RBL2: variants seen among roughly 807,000 people sequenced by gnomAD.
RBL2 encodes RB transcriptional corepressor like 2.
In RBL2, 56 loss-of-function variants were observed where a neutral mutation model predicts 126.0. The observed-to-expected ratio is 0.44, with a 90% CI of 0.36 to 0.56. The LOEUF is 0.56. Among genes scored for constraint, RBL2 ranks in the 20% least tolerant of loss-of-function variants. The pLI is 0.00. For missense variants in RBL2, 1,229 were observed against 1,398.2 expected (o/e 0.88, Z 1.93); for synonymous variants, 454 against 478.5 (o/e 0.95, Z 0.67).
chr16:53,489,907 A>G (rs1961343144), intron 21 of RBL2: 1 of 354,738 alleles, frequency 2.8e-6, no homozygotes, highest in African/African-American at 2.1e-5. Context: ...CCTGTGGAAG[A>G]GCTTGTTAAA....
At chr16:53,454,519 A>G (rs2058147858) in intron 7 of RBL2, 137 bp from the exon 8 acceptor site, 1 of 792,850 alleles carries the variant, frequency 1.3e-6, no homozygotes, top group Admixed American at 2.9e-5. Flanking sequence ...TCCAGTTCTT[A>G]TAACTACAAG....
At position 53,490,451 on chromosome 16, in the gene RBL2, C is replaced by A; in HGVS notation, c.*151C>A. 1 of 543,978 alleles carries A rather than the reference C, an allele frequency of 1.8e-6. No individual in the cohort carries two copies. Among genetic ancestry groups the A allele is most frequent in the Non-Finnish European group, 3.0e-6 (1 of 330,968 alleles). 33.7% of individuals were successfully genotyped at this position (543,978 alleles called of 1,614,324 possible). A position where few individuals can be genotyped will look rare whatever the true frequency, so the allele number is the denominator to read the frequency against. On this transcript the variant is annotated 3_prime_UTR_variant, in exon 22 of 22. Transcript: ENST00000262133. ...CATTTTGGTGAGAAATGGGACTTAA[C>A]TCCTTCCAGTGTCCTTAGAACATTT...
chr16:53,434,846 T>C (rs771595407), intron 1 of RBL2, 50 bp downstream of exon 1: 32 of 1,437,256 alleles, frequency 2.2e-5, no homozygotes, highest in African/African-American at 4.4e-5. Context: ...CGTGAACCGG[T>C]GCCTTCCGAG....
At chr16:53,435,992 A>C (rs2057955022) in intron 1 of RBL2, among the ~76,000 whole-genome samples, 1 of 152,202 alleles carries the variant, frequency 6.6e-6, no homozygotes, top group Non-Finnish European at 1.5e-5. Flanking sequence ...AGATTAAATA[A>C]GGCAATAATG....
intron 1 of RBL2, 65 bp downstream of exon 1, chr16:53,434,861 G>A (rs1044389304): frequency 1.5e-5 from 21 of 1,409,444 alleles, no homozygotes; most frequent in Non-Finnish European, 1.8e-5. Context: ...TCCGAGCCGC[G>A]TCGCGCGCCT....
chr16:53,444,359 C>T (rs76075723), intron 3 of RBL2, among the ~76,000 whole-genome samples: 1 of 151,642 alleles, frequency 6.6e-6, no homozygotes, highest in Non-Finnish European at 1.5e-5. Flanking sequence ...TCGAGACCAG[C>T]CTGGCCAACG....
intron 1 of RBL2, among the ~76,000 whole-genome samples, chr16:53,437,477 G>A (rs1456397090): frequency 6.6e-6 from 1 of 152,042 alleles, no homozygotes; most frequent in African/African-American, 2.4e-5. Flanking sequence ...ATCCTTCCTC[G>A]CTTTTATAGG....
At chr16:53,463,544 T>G (rs565729681) in intron 11 of RBL2, among the ~76,000 whole-genome samples, 2 of 150,966 alleles carry the variant, frequency 1.3e-5, no homozygotes, top group East Asian at 3.9e-4. Context: ...CCTGGCCCCT[T>G]TCAATATTTT....
At chr16:53,439,954 C>CAAAAAAAAAAAAAAAA (rs10591959) in intron 2 of RBL2, among the ~76,000 whole-genome samples, 13 of 91,930 alleles carry the variant, frequency 1.4e-4, no homozygotes, top group African/African-American at 5.3e-4. Context: ...ACCTTGTCTC[C>CAAAAAAAAAAAAAAAA]AAAAAAAAAA....
rs373174219 is a variant in RBL2, at chr16:53,450,345, G to GGT, written c.638-1343_638-1342dup. ...AAGGGAAACCTGAAACAAAGCTGCAGGTGTGTGTGTGTGTGTACATGTACA... is the reference window on the plus strand; with the variant it reads ...AAGGGAAACCTGAAACAAAGCTGCAGGTGTGTGTGTGTGTGTGTACATGTACA... On this transcript the variant is annotated intron_variant, in intron 4 of 21. Coordinates refer to ENST00000262133, the MANE Select transcript of RBL2 (RefSeq NM_005611.4). Among the ~76,000 whole-genome samples the GGT allele has an allele frequency of 1.7e-3, 253 of 151,322 alleles. 1 individual carries two copies. The highest frequency in any genetic ancestry group is 0.014 in the Middle Eastern group (4 of 292).
intron 17 of RBL2, among the ~76,000 whole-genome samples, chr16:53,475,593 T>C (rs1389417886): frequency 6.6e-6 from 1 of 152,148 alleles, no homozygotes; most frequent in African/African-American, 2.4e-5. Flanking sequence ...TCTTTTTCTT[T>C]TAAAAACCAG....
At chr16:53,475,681 G>A (rs990095977) in intron 17 of RBL2, among the ~76,000 whole-genome samples, 1 of 151,654 alleles carries the variant, frequency 6.6e-6, no homozygotes, top group Admixed American at 6.6e-5. Flanking sequence ...CTGCTTACTT[G>A]AGGCTTACTT....
chr16:53,479,395 G>T, intron 18 of RBL2, 170 bp downstream of exon 18: 1 of 585,780 alleles, frequency 1.7e-6, no homozygotes, highest in Non-Finnish European at 3.0e-6. Flanking sequence ...TGTTGATTAA[G>T]GTCTCTTTTC....
At chr16:53,453,362 C>A in intron 5 of RBL2, 90 bp from the exon 6 acceptor site, 1 of 1,196,118 alleles carries the variant, frequency 8.4e-7, no homozygotes, top group South Asian at 1.5e-5. Context: ...AAGTGGTATA[C>A]TGATTATACT....
In RBL2 at chr16:53,481,653, T is replaced by A. The variant is rs75761500; in HGVS notation, c.3085-18T>A. On this transcript the variant is annotated intron_variant, in intron 20 of 21. Transcript: ENST00000262133. ...TAAATTTTTTTCTTAGAATTACTGA[T>A]TTTTTTTTTTTAAACAGATGGATGC... The A allele has an allele frequency of 4.1e-6, 3 of 723,872 alleles. No homozygotes were observed. The highest frequency in any genetic ancestry group is 5.6e-6 in the Non-Finnish European group (3 of 533,778). The allele number at this position is 723,872 out of a possible 1,614,324, so 44.8% of individuals were successfully genotyped here. A position where few individuals can be genotyped will look rare whatever the true frequency, so the allele number is the denominator to read the frequency against.
At position 53,480,547 on chromosome 16, in the gene RBL2, C is replaced by T; in HGVS notation, c.2882-20C>T. 6.2e-7 allele frequency: 1 copy of T among 1,602,216 alleles called. No homozygotes were observed. Among genetic ancestry groups the T allele is most frequent in the African/African-American group, 1.3e-5 (1 of 74,476 alleles). ...TATTAGCAGCCTTTGTACTGACAGC[C>T]TTTGTTCTCCTGGCTGCAGCCAGTA... On this transcript the variant is annotated intron_variant, in intron 19 of 21. Transcript: ENST00000262133.
chr16:53,463,984 T>A (rs962891073), intron 11 of RBL2, among the ~76,000 whole-genome samples: 16 of 152,240 alleles, frequency 1.1e-4, no homozygotes, highest in African/African-American at 3.9e-4. Flanking sequence ...TAATCTCTTT[T>A]AAGATACATT....
chr16:53,465,502 A>C lies in RBL2; in HGVS notation c.1763A>C (p.Gln588Pro). 1 of 1,604,430 alleles carries C rather than the reference A, an allele frequency of 6.2e-7. No homozygotes were observed. Among genetic ancestry groups the C allele is most frequent in the East Asian group, 2.3e-5 (1 of 44,168 alleles). ...AGAGAGGTGGTAAAACACCTTAATC[A>C]GATTGAAGAACAGATCTTAGATCAT... ...LCREVVKHLN[Q>P]IEEQILDHLA... Residue 588 changes from glutamine to proline, a missense_variant, in exon 13 of 22, where the codon CAG (glutamine) becomes CCG (proline). Around this residue, in one of 2 missense-constraint regions of RBL2, gnomAD observed 1,070 missense variants for 1,274.3 expected, o/e 0.84. Transcript: ENST00000262133.
At position 53,464,254 on chromosome 16, in the gene RBL2, G is replaced by T. The variant is rs201464797; in HGVS notation, c.1589G>T (p.Arg530Ile). 1.9e-6 allele frequency: 3 copies of T among 1,594,850 alleles called. No individual in the cohort carries two copies. The African/African-American group carries it at 4.1e-5, about 22-fold the overall frequency. The change falls in exon 12 of 22, where the codon AGA becomes ATA. Residue 530 changes from arginine to isoleucine, a missense_variant. Arg to Ile is a moderately conservative substitution (Grantham distance 97). Around this residue, in one of 2 missense-constraint regions of RBL2, gnomAD observed 1,070 missense variants for 1,274.3 expected, o/e 0.84. Coordinates refer to ENST00000262133, the MANE Select transcript of RBL2 (RefSeq NM_005611.4). ...SGILEQDAFH[R>I]SLLACCLEVV... Reference sequence around the variant, plus strand: ...ATTCTGGAACAAGATGCGTTCCACAGATCTCTCTTGGCCTGCTGCCTTGAG... The same window carrying T: ...ATTCTGGAACAAGATGCGTTCCACATATCTCTCTTGGCCTGCTGCCTTGAG...
Sources: gnomAD v4.1 joint callset for allele counts (sites outside exome capture counted in the v4.1 genomes callset) on GRCh38, gnomAD v4.1.1 for gene constraint, gnomAD v4.1.1 regional missense constraint, MANE v1.5 for transcripts, NCBI Gene and HGNC (gene_info 2026-07-23, HGNC 2026-07-21) for gene names.